ERG: variants seen among roughly 807,000 people sequenced by gnomAD.
The protein encoded by ERG is transcriptional regulator ERG.
Under a neutral mutation model 55.3 loss-of-function variants are expected in ERG, and 9 were observed. The ratio of observed to expected loss-of-function variants is 0.16; its 90% CI spans 0.10 to 0.28. ERG has a LOEUF of 0.28. Among genes scored for constraint, ERG ranks in the 10% least tolerant of loss-of-function variants. The pLI is 1.00. For missense variants in ERG, 434 were observed against 631.6 expected, an observed-to-expected ratio of 0.69 and a Z score of 3.35; for synonymous variants, 223 against 237.3, an observed-to-expected ratio of 0.94 and a Z score of 0.55.
chr21:38,392,248 C>T (rs1988005512), intron 7 of ERG, 128 bp downstream of exon 7: 4 of 796,350 alleles, frequency 5.0e-6, no homozygotes, highest in South Asian at 1.4e-5. Context: ...GTACTCTTGT[C>T]GTCAATGGAA....
intron 1 of ERG, among the ~76,000 whole-genome samples, chr21:38,486,092 C>G (rs1601116892): frequency 6.6e-6 from 1 of 151,720 alleles, no homozygotes; most frequent in African/African-American, 2.4e-5. Flanking sequence ...TGCCACCATG[C>G]CTGGCTAATT....
At chr21:38,640,038 A>G (rs757095286) in intron 1 of ERG, among the ~76,000 whole-genome samples, 4 of 152,234 alleles carry the variant, frequency 2.6e-5, no homozygotes, top group Non-Finnish European at 5.9e-5. Context: ...AATTCATTCT[A>G]ACACACTGAA....
chr21:38,458,919 T>A (rs907818116), intron 1 of ERG, among the ~76,000 whole-genome samples: 4 of 152,222 alleles, frequency 2.6e-5, no homozygotes, highest in Non-Finnish European at 4.4e-5. Flanking sequence ...CCAGCTGGTC[T>A]CTTTGTTACC....
chr21:38,461,198 C>T (rs779539883), intron 1 of ERG, among the ~76,000 whole-genome samples: 1 of 152,142 alleles, frequency 6.6e-6, no homozygotes, highest in East Asian at 1.9e-4. Context: ...GGGGTTGATT[C>T]CTCCTGAGGA....
At chr21:38,497,142 A>G (rs2059386422) in intron 1 of ERG, among the ~76,000 whole-genome samples, 1 of 152,212 alleles carries the variant, frequency 6.6e-6, no homozygotes. Flanking sequence ...ATATTATTGA[A>G]CACACCTTGA....
intron 3 of ERG, among the ~76,000 whole-genome samples, chr21:38,403,924 CTT>C (rs1419993293): frequency 1.3e-5 from 2 of 152,166 alleles, no homozygotes; most frequent in East Asian, 1.9e-4. Context: ...GTTCTGGAAT[CTT>C]GGGATTATTC....
chr21:38,495,886 C>T (rs1262094495), intron 1 of ERG, among the ~76,000 whole-genome samples: 4 of 152,182 alleles, frequency 2.6e-5, no homozygotes, highest in Non-Finnish European at 5.9e-5. Context: ...GGTTCAGCAC[C>T]TCTCAATATT....
intron 2 of ERG, among the ~76,000 whole-genome samples, chr21:38,538,667 C>T (rs1400918316): frequency 6.6e-6 from 1 of 151,996 alleles, no homozygotes; most frequent in African/African-American, 2.4e-5. Context: ...CATGTAATTC[C>T]ATTACATACC....
At chr21:38,509,118 A>G (rs543381005) in intron 2 of ERG, among the ~76,000 whole-genome samples, 1 of 152,272 alleles carries the variant, frequency 6.6e-6, no homozygotes, top group African/African-American at 2.4e-5. Flanking sequence ...TCTCAGCCCA[A>G]TCAAGCCCTG....
At chr21:38,499,597 C>G (rs1451845668), upstream of ERG, among the ~76,000 whole-genome samples, 2 of 152,108 alleles carry the variant, frequency 1.3e-5, no homozygotes, top group Non-Finnish European at 2.9e-5. Context: ...AAATGGATTT[C>G]ACTCAGACTT....
At chr21:38,392,473 A>T in intron 6 of ERG, 29 bp from the exon 7 acceptor site, 2 of 1,386,576 alleles carry the variant, frequency 1.4e-6, no homozygotes, top group Non-Finnish European at 1.9e-6. Flanking sequence ...TGACTAAAAG[A>T]TCAATCATGT....
At chr21:38,581,848 C>T (rs2060030703) in intron 1 of ERG, among the ~76,000 whole-genome samples, 1 of 152,068 alleles carries the variant, frequency 6.6e-6, no homozygotes, top group Non-Finnish European at 1.5e-5. Flanking sequence ...TCGAGACCAT[C>T]CTGGTTAACA....
intron 2 of ERG, among the ~76,000 whole-genome samples, chr21:38,524,481 T>C (rs2059616614): frequency 6.6e-6 from 1 of 152,320 alleles, no homozygotes; most frequent in African/African-American, 2.4e-5. Flanking sequence ...AAATTATCTA[T>C]CTGCACTGAA....
intron 2 of ERG, among the ~76,000 whole-genome samples, chr21:38,555,240 T>C (rs983912966): frequency 4.6e-5 from 7 of 151,902 alleles, no homozygotes; most frequent in Admixed American, 1.3e-4. Context: ...GGCAGGAGAA[T>C]TGCTTGAGCC....
intron 2 of ERG, among the ~76,000 whole-genome samples, chr21:38,431,921 G>A (rs1350572470): frequency 1.3e-5 from 2 of 152,234 alleles, no homozygotes; most frequent in African/African-American, 2.4e-5. Context: ...GATGAGAGAC[G>A]GCATGTCCCC....
intron 2 of ERG, 79 bp downstream of exon 2, chr21:38,445,325 A>G (rs2058881216): frequency 1.1e-5 from 12 of 1,115,450 alleles, no homozygotes; most frequent in Admixed American, 2.0e-5. Flanking sequence ...TTAGAGAAGC[A>G]TGACTGACTT....
chr21:38,388,753 G>C (rs1987825181), intron 9 of ERG, among the ~76,000 whole-genome samples: 1 of 152,170 alleles, frequency 6.6e-6, no homozygotes, highest in Admixed American at 6.5e-5. Flanking sequence ...ATGGTATGAA[G>C]CACAGTCCTC....
chr21:38,375,860 C>T (rs556328633), downstream of ERG, among the ~76,000 whole-genome samples: 2 of 152,250 alleles, frequency 1.3e-5, no homozygotes, highest in Non-Finnish European at 2.9e-5. Flanking sequence ...TGCTCATTAT[C>T]CTCCTGCACC....
At chr21:38,578,150 C>T (rs921570159) in intron 1 of ERG, among the ~76,000 whole-genome samples, 25 of 152,320 alleles carry the variant, frequency 1.6e-4, no homozygotes, top group Middle Eastern at 3.4e-3. Context: ...CAGATGACCA[C>T]GGCCCCTGCC....
Sources: allele counts gnomAD v4.1 joint callset (sites outside exome capture counted in the v4.1 genomes callset), GRCh38; gene constraint gnomAD v4.1.1; transcripts MANE v1.5; gene names NCBI Gene and HGNC (gene_info 2026-07-23, HGNC 2026-07-21).